SLC3A1: variants seen among roughly 807,000 people sequenced by gnomAD.
The protein encoded by SLC3A1 is solute carrier family 3 member 1.
Under a neutral mutation model 60.3 loss-of-function variants are expected in SLC3A1, and 78 were observed. That is an observed-to-expected ratio of 1.29 (90% CI 1.08 to 1.56). The LOEUF (loss-of-function observed/expected upper bound fraction) is 1.56, where lower values mean the gene tolerates loss of function less well. Ranked by LOEUF, SLC3A1 falls within the 40% of genes most tolerant of loss-of-function variation. The pLI is 0.00. For synonymous variants in SLC3A1, 392 were observed against 307.9 expected, an observed-to-expected ratio of 1.27 and a Z score of -2.86; for missense variants, 1,172 against 858.9, an observed-to-expected ratio of 1.36 and a Z score of -4.56.
In SLC3A1 at chr2:44,321,339, C is replaced by A. The variant is rs375247176; in HGVS notation, c.*700C>A. 1.4e-4 allele frequency: 219 copies of A among 1,570,658 alleles called. No individual in the cohort carries two copies. Among genetic ancestry groups the A allele is most frequent in the Admixed American group, 3.2e-4 (19 of 59,318 alleles). On this transcript the variant is annotated 3_prime_UTR_variant, in exon 10 of 10. Coordinates refer to ENST00000260649, the MANE Select transcript of SLC3A1 (RefSeq NM_000341.4). ...AATATTTCAGTGTGTTTCCAATTCC[C>A]AGTTGAATGCAGTGTTTCAGAATTT...
Position 44,313,863 on chromosome 2 carries a change from A to C in SLC3A1, c.1529A>C (p.Gln510Pro). The change falls in exon 9 of 10, where the codon CAG (glutamine) becomes CCG (proline). Residue 510 changes from glutamine (Q) to proline (P), a missense_variant. Coordinates refer to ENST00000260649, the MANE Select transcript of SLC3A1 (RefSeq NM_000341.4). Reference sequence around the variant, plus strand: ...ACCCTTCGCTCAAAGTCACCAATGCAGTGGGACAATAGTTCAAATGCTGGT... The same window carrying C: ...ACCCTTCGCTCAAAGTCACCAATGCCGTGGGACAATAGTTCAAATGCTGGT... ...INTLRSKSPMQWDNSSNAGFS... is the reference protein window; with the variant it reads ...INTLRSKSPMPWDNSSNAGFS... 1.9e-6 allele frequency: 3 copies of C among 1,614,104 alleles called. No homozygotes were observed. The highest frequency in any genetic ancestry group is 2.5e-6 in the Non-Finnish European group (3 of 1,179,956).
intron 1 of SLC3A1, among the ~76,000 whole-genome samples, chr2:44,280,159 A>G (rs1363186011): frequency 6.6e-6 from 1 of 152,222 alleles, no homozygotes; most frequent in African/African-American, 2.4e-5. Context: ...TTTTAAATAT[A>G]AAATATGAGT....
Position 44,301,125 on chromosome 2 carries a change from C to A in SLC3A1, c.1134C>A (p.Tyr378Ter), listed in dbSNP as rs765521548. ...AATACAGCACGGAGCCCGGCAGATA[C>A]AGGTTGACCACGGCATATGCTCTCA... ...MDQYSTEPGR[Y>*]RFMGTEAYAE... The change falls in exon 6 of 10, where the codon TAC becomes TAA. Residue 378 changes from tyrosine (Y) to a stop codon, truncating the protein, a stop_gained and splice_region_variant. Coordinates refer to ENST00000260649, the MANE Select transcript of SLC3A1 (RefSeq NM_000341.4). LOFTEE classifies it high-confidence loss of function. 3.1e-6 allele frequency: 5 copies of A among 1,609,718 alleles called. No individual in the cohort carries two copies. The highest frequency in any genetic ancestry group is 1.1e-5 in the South Asian group (1 of 91,074).
intron 4 of SLC3A1, among the ~76,000 whole-genome samples, chr2:44,292,752 T>C (rs1671767497): frequency 6.6e-6 from 1 of 151,914 alleles, no homozygotes; most frequent in Non-Finnish European, 1.5e-5. Context: ...AGTTGTCCAG[T>C]ATCACTGGGA....
intron 4 of SLC3A1, among the ~76,000 whole-genome samples, chr2:44,291,159 G>A (rs1671732891): frequency 6.6e-6 from 1 of 152,166 alleles, no homozygotes; most frequent in Non-Finnish European, 1.5e-5. Context: ...GGCAATGTAT[G>A]TGTTTCCCTC....
At chr2:44,301,693 T>G (rs1485333948) in intron 6 of SLC3A1, among the ~76,000 whole-genome samples, 21 of 130,950 alleles carry the variant, frequency 1.6e-4, no homozygotes, top group African/African-American at 6.0e-4. Context: ...GAGTCAAGAT[T>G]GCACCACTGC....
intron 3 of SLC3A1, among the ~76,000 whole-genome samples, chr2:44,284,119 G>A (rs567584633): frequency 1.4e-4 from 22 of 152,022 alleles, no homozygotes; most frequent in African/African-American, 3.9e-4. Context: ...TTGCTCTGTC[G>A]CCCAGGCTGG....
chr2:44,315,493 C>T (rs1384033013), intron 9 of SLC3A1, among the ~76,000 whole-genome samples: 1 of 106,102 alleles, frequency 9.4e-6, no homozygotes, highest in Non-Finnish European at 1.9e-5. Context: ...TACCTTCCCC[C>T]TACCCCCGCC....
intron 4 of SLC3A1, among the ~76,000 whole-genome samples, chr2:44,297,818 G>C (rs1352911259): frequency 2.6e-5 from 4 of 152,076 alleles, no homozygotes; most frequent in Non-Finnish European, 5.9e-5. Context: ...GGCTGGTCTA[G>C]AACTCCTGGG....
chr2:44,316,223 CAG>C (rs1352565225), intron 9 of SLC3A1: 4 of 152,202 alleles, frequency 2.6e-5, no homozygotes, highest in Non-Finnish European at 5.9e-5. Flanking sequence ...CCATTCCTAA[CAG>C]AACACTGTAG....
At chr2:44,302,046 C>A (rs920364039) in intron 6 of SLC3A1, among the ~76,000 whole-genome samples, 4 of 152,180 alleles carry the variant, frequency 2.6e-5, no homozygotes, top group Non-Finnish European at 5.9e-5. Context: ...CAGAGCAATA[C>A]TCCATCTCAA....
intron 3 of SLC3A1, among the ~76,000 whole-genome samples, chr2:44,284,555 T>G (rs1259645532): frequency 1.3e-4 from 20 of 152,116 alleles, no homozygotes. Context: ...ACTTTGTAAT[T>G]TTTATTTAAA....
chr2:44,304,813 A>AT (rs70965349), intron 7 of SLC3A1, among the ~76,000 whole-genome samples: 30,130 of 85,636 alleles, frequency 0.35, 8,263 homozygotes, highest in Middle Eastern at 0.49. Flanking sequence ...CTTGAAAACA[A>AT]TTTTTTTTTT....
At chr2:44,309,465 C>T (rs995467486) in intron 7 of SLC3A1, among the ~76,000 whole-genome samples, 4 of 152,054 alleles carry the variant, frequency 2.6e-5, no homozygotes, top group African/African-American at 7.2e-5. Flanking sequence ...CTGTTGGTGA[C>T]GTTTGTGGTT....
At chr2:44,283,191 A>G (rs1305436474) in intron 3 of SLC3A1, among the ~76,000 whole-genome samples, 2 of 152,132 alleles carry the variant, frequency 1.3e-5, no homozygotes, top group African/African-American at 4.8e-5. Context: ...AGGTGATCCA[A>G]GGACACTCAG....
chr2:44,294,163 G>A (rs1348406241), intron 4 of SLC3A1, among the ~76,000 whole-genome samples: 2 of 152,094 alleles, frequency 1.3e-5, no homozygotes, highest in Middle Eastern at 3.2e-3. Flanking sequence ...TCCAGAAGAC[G>A]AGATTGGTCA....
chr2:44,299,298 C>T (rs540787284), intron 4 of SLC3A1, among the ~76,000 whole-genome samples: 1 of 152,320 alleles, frequency 6.6e-6, no homozygotes, highest in East Asian at 1.9e-4. Flanking sequence ...CTCGGCCTCC[C>T]AGAGTGCTGG....
chr2:44,305,029 C>A (rs1271901483), intron 7 of SLC3A1, among the ~76,000 whole-genome samples: 1 of 151,896 alleles, frequency 6.6e-6, no homozygotes, highest in South Asian at 2.1e-4. Flanking sequence ...GGGAGTTTCA[C>A]CATGTTGGCC....
intron 6 of SLC3A1, among the ~76,000 whole-genome samples, chr2:44,302,987 T>C (rs957128004): frequency 7.2e-5 from 11 of 151,842 alleles, no homozygotes; most frequent in Non-Finnish European, 1.6e-4. Flanking sequence ...TCATCAGAGG[T>C]CAGGAGTTTG....
Sources: gnomAD v4.1 joint callset for allele counts (sites outside exome capture counted in the v4.1 genomes callset) on GRCh38, gnomAD v4.1.1 for gene constraint, MANE v1.5 for transcripts, NCBI Gene and HGNC (gene_info 2026-07-23, HGNC 2026-07-21) for gene names.